Variants in KLF8 observed in about 807,000 individuals in gnomAD.
The protein encoded by KLF8 is Krueppel-like factor 8.
Under a neutral mutation model 18.2 loss-of-function variants are expected in KLF8, and 10 were observed. That is an observed-to-expected ratio of 0.55 (90% CI 0.34 to 0.93). The LOEUF is 0.93. Among genes scored for constraint, KLF8 ranks in the 40% least tolerant of loss-of-function variants. KLF8 has a pLI of 0.02. For missense variants in KLF8, 264 were observed against 277.9 expected, an observed-to-expected ratio of 0.95 and a Z score of 0.36; for synonymous variants, 109 against 97.3, an observed-to-expected ratio of 1.12 and a Z score of -0.71.
the KLF8 span, among the ~76,000 whole-genome samples, chrX:56,144,944 C>A: frequency 5.6e-5 from 6 of 106,565 alleles, no homozygotes; most frequent in African/African-American, 2.0e-4. Context: ...AGGCTCAGAC[C>A]ACCACACCCG....
At chrX:55,950,204 T>G in the KLF8 span, among the ~76,000 whole-genome samples, 1 of 110,829 alleles carries the variant, frequency 9.0e-6, no homozygotes, top group Non-Finnish European at 1.9e-5. Flanking sequence ...TATCCTCAGC[T>G]GAGAGTTTGA....
chrX:56,252,217 T>C (rs931563929), intron 2 of KLF8, among the ~76,000 whole-genome samples: 1 of 111,495 alleles, frequency 9.0e-6, no homozygotes, highest in Non-Finnish European at 1.9e-5. Flanking sequence ...TTTCACCATG[T>C]TGGCCAGGCT....
chrX:56,289,076 C>T lies in KLF8; in HGVS notation c.*4582C>T, dbSNP rs1041219842. ...AATTATTCTCTAAGGGAGATTGTCT[C>T]TTCTCCCCCATTTATTTATTTATAC... On this transcript the variant is annotated 3_prime_UTR_variant, in exon 6 of 6. Coordinates refer to ENST00000468660, the MANE Select transcript of KLF8 (RefSeq NM_007250.5). Among the ~76,000 whole-genome samples, 5 of 112,325 alleles carry T rather than the reference C, an allele frequency of 4.5e-5. No homozygotes were observed. The highest frequency in any genetic ancestry group is 1.6e-4 in the African/African-American group (5 of 30,916).
the KLF8 span, among the ~76,000 whole-genome samples, chrX:55,995,644 G>T: frequency 8.9e-6 from 1 of 111,822 alleles, no homozygotes; most frequent in African/African-American, 3.3e-5. Flanking sequence ...ATGAAGCTTA[G>T]TTTGGCAGGA....
At chrX:56,264,852 T>C (rs1019886491) in intron 2 of KLF8, among the ~76,000 whole-genome samples, 6 of 112,373 alleles carry the variant, frequency 5.3e-5, no homozygotes, top group African/African-American at 1.9e-4. Flanking sequence ...TATGTTGGTA[T>C]GTACTTATTG....
the KLF8 span, among the ~76,000 whole-genome samples, chrX:56,079,584 G>T: frequency 9.0e-6 from 1 of 111,529 alleles, no homozygotes; most frequent in Non-Finnish European, 1.9e-5. Flanking sequence ...TTTTGGAATA[G>T]GTGTGGTGTG....
At chrX:56,266,387 C>T in intron 3 of KLF8, 1 of 716,905 alleles carries the variant, frequency 1.4e-6, no homozygotes. Context: ...AGAGTTTGGG[C>T]ATTATTCACA....
At chrX:56,196,874 A>G in the KLF8 span, among the ~76,000 whole-genome samples, 3,779 of 111,637 alleles carry the variant, frequency 0.034, 168 homozygotes, top group African/African-American at 0.12. Context: ...AAGGTAAAAA[A>G]AAGAAATCAT....
chrX:55,926,019 A>G, the KLF8 span, among the ~76,000 whole-genome samples: 1 of 111,048 alleles, frequency 9.0e-6, no homozygotes, highest in Non-Finnish European at 1.9e-5. Context: ...GTCCAATTAT[A>G]CTCCTTTAGT....
At chrX:56,004,757 A>G in the KLF8 span, among the ~76,000 whole-genome samples, 29 of 111,928 alleles carry the variant, frequency 2.6e-4, no homozygotes, top group African/African-American at 7.1e-4. Context: ...GGCTTCAGGG[A>G]CACAAAGCAG....
chrX:56,194,987 G>C, the KLF8 span, among the ~76,000 whole-genome samples: 1 of 112,238 alleles, frequency 8.9e-6, no homozygotes, highest in Non-Finnish European at 1.9e-5. Flanking sequence ...GCAGCTGAGG[G>C]ACCTGAATGT....
At chrX:55,939,964 A>C in the KLF8 span, among the ~76,000 whole-genome samples, 3 of 111,977 alleles carry the variant, frequency 2.7e-5, no homozygotes, top group East Asian at 5.6e-4. Context: ...GGAGCTAGTA[A>C]CATTCCTTCT....
At chrX:55,908,233 G>T in the KLF8 span, 66 of 239,565 alleles carry the variant, frequency 2.8e-4, no homozygotes, top group African/African-American at 1.8e-3. Context: ...CAGGACAAAG[G>T]GGGCGGGGAG....
the KLF8 span, among the ~76,000 whole-genome samples, chrX:56,091,170 G>T: frequency 2.7e-5 from 3 of 111,252 alleles, no homozygotes; most frequent in African/African-American, 9.8e-5. Flanking sequence ...GGTGAGAGGT[G>T]ATTGGATCAT....
chrX:55,915,121 A>G, the KLF8 span, among the ~76,000 whole-genome samples: 10,740 of 110,398 alleles, frequency 0.097, 921 homozygotes, highest in African/African-American at 0.27. Context: ...AGAAATGATT[A>G]CTAGTCAGAG....
chrX:55,940,958 T>A, the KLF8 span, among the ~76,000 whole-genome samples: 1 of 111,619 alleles, frequency 9.0e-6, no homozygotes, highest in African/African-American at 3.3e-5. Context: ...CCCAAGGTAA[T>A]TTATAGATTC....
At chrX:55,977,230 G>A in the KLF8 span, among the ~76,000 whole-genome samples, 8 of 111,574 alleles carry the variant, frequency 7.2e-5, no homozygotes, top group South Asian at 3.7e-4. Context: ...GCTTTTCACC[G>A]TTGGGTATGA....
chrX:56,051,564 A>C, the KLF8 span, among the ~76,000 whole-genome samples: 1 of 110,512 alleles, frequency 9.0e-6, no homozygotes. Context: ...CTGGGTTGAA[A>C]ATTCTTTTCT....
the KLF8 span, among the ~76,000 whole-genome samples, chrX:56,152,482 T>C: frequency 5.2e-4 from 58 of 111,379 alleles, no homozygotes; most frequent in African/African-American, 1.7e-3. Flanking sequence ...GCAGTATCGG[T>C]CCCAGAGTTC....
Sources: gnomAD v4.1 joint callset for allele counts (sites outside exome capture counted in the v4.1 genomes callset) on GRCh38, gnomAD v4.1.1 for gene constraint, MANE v1.5 for transcripts, NCBI Gene and HGNC (gene_info 2026-07-23, HGNC 2026-07-21) for gene names.